LRRC63: variants seen among roughly 807,000 people sequenced by gnomAD.
LRRC63 encodes leucine-rich repeat-containing protein 63.
In LRRC63, 40 loss-of-function variants were observed where a neutral mutation model predicts 49.5. The ratio of observed to expected loss-of-function variants is 0.81; its 90% CI spans 0.63 to 1.05. The LOEUF (loss-of-function observed/expected upper bound fraction) is 1.05, where lower values mean the gene tolerates loss of function less well. Among genes scored for constraint, LRRC63 ranks in the 50% least tolerant of loss-of-function variants. The pLI, the probability that LRRC63 is intolerant of heterozygous loss-of-function variation, is 0.00. For missense variants in LRRC63, 636 were observed against 663.1 expected, an observed-to-expected ratio of 0.96 and a Z score of 0.45; for synonymous variants, 191 against 221.1, an observed-to-expected ratio of 0.86 and a Z score of 1.21.
At chr13:46,224,389 C>T (rs565978668) in intron 2 of LRRC63, among the ~76,000 whole-genome samples, 3 of 152,212 alleles carry the variant, frequency 2.0e-5, no homozygotes, top group East Asian at 3.9e-4. Flanking sequence ...ATTAATTCTT[C>T]AGCTCCAGAA....
At chr13:46,273,568 C>G (rs924248898) in intron 9 of LRRC63, among the ~76,000 whole-genome samples, 1 of 146,824 alleles carries the variant, frequency 6.8e-6, no homozygotes. Flanking sequence ...TGCCACTGCA[C>G]TCCAGCCTGG....
At chr13:46,232,924 A>C (rs893636115) in intron 4 of LRRC63, among the ~76,000 whole-genome samples, 2 of 152,196 alleles carry the variant, frequency 1.3e-5, no homozygotes, top group Admixed American at 1.3e-4. Flanking sequence ...TTTTAAAATG[A>C]GTCAAATAAA....
At chr13:46,259,038 T>C (rs1040619868) in intron 7 of LRRC63, among the ~76,000 whole-genome samples, 1 of 152,162 alleles carries the variant, frequency 6.6e-6, no homozygotes, top group Non-Finnish European at 1.5e-5. Flanking sequence ...TTTTCGTTCC[T>C]AAGGTTTTGC....
At chr13:46,246,122 C>T (rs2047205937) in intron 5 of LRRC63, among the ~76,000 whole-genome samples, 2 of 152,150 alleles carry the variant, frequency 1.3e-5, no homozygotes, top group East Asian at 3.8e-4. Context: ...TCCTGCTGCT[C>T]TGGCCATGTA....
Position 46,226,717 on chromosome 13 carries a change from C to T in LRRC63, c.86-795C>T, listed in dbSNP as rs150940519. Among the ~76,000 whole-genome samples, 179 of 152,306 alleles carry T rather than the reference C, an allele frequency of 1.2e-3. 3 individuals are homozygous for T. In the East Asian group the frequency reaches 0.032, roughly 27 times the overall value. On this transcript the variant is annotated intron_variant, in intron 2 of 9. Coordinates refer to ENST00000595396, the Ensembl canonical transcript of LRRC63. ...TCAGAAGAAATACTGTCTCCAAACT[C>T]AGATCAGTCTCTAGCAATCCCATAT...
chr13:46,240,054 G>A (rs1594053189), intron 5 of LRRC63, among the ~76,000 whole-genome samples: 2 of 151,810 alleles, frequency 1.3e-5, no homozygotes, highest in Admixed American at 1.3e-4. Flanking sequence ...CATACTGAAT[G>A]GGCAAAAATT....
intron 8 of LRRC63, among the ~76,000 whole-genome samples, chr13:46,263,745 A>G (rs1467227975): frequency 6.6e-6 from 1 of 152,136 alleles, no homozygotes; most frequent in Non-Finnish European, 1.5e-5. Context: ...TTTCCTTTGC[A>G]TCATGTCTCT....
chr13:46,215,765 C>T (rs1421703893), intron 2 of LRRC63, among the ~76,000 whole-genome samples: 1 of 152,116 alleles, frequency 6.6e-6, no homozygotes, highest in East Asian at 1.9e-4. Context: ...ACATTTAAGT[C>T]TTTAATCCAT....
At position 46,265,741 on chromosome 13, in the gene LRRC63, T is replaced by G. The variant is rs558503184; in HGVS notation, c.1311-992T>G. Among the ~76,000 whole-genome samples, 8 of 152,214 alleles carry G rather than the reference T, an allele frequency of 5.3e-5. No homozygotes were observed. The East Asian group carries it at 9.7e-4, about 18-fold the overall frequency. ...TGCTGCCGGCCCCTAGGCTTGTGATTTGCGCAGAAGAAAAAGGTGACCATG... is the reference window on the plus strand; with the variant it reads ...TGCTGCCGGCCCCTAGGCTTGTGATGTGCGCAGAAGAAAAAGGTGACCATG... On this transcript the variant is annotated intron_variant, in intron 8 of 9. Coordinates refer to ENST00000595396, the Ensembl canonical transcript of LRRC63.
At chr13:46,269,633 T>G (rs2047727556) in intron 9 of LRRC63, among the ~76,000 whole-genome samples, 1 of 151,682 alleles carries the variant, frequency 6.6e-6, no homozygotes, top group Non-Finnish European at 1.5e-5. Context: ...GGCAGACATA[T>G]CTTAACTGCA....
At chr13:46,261,774 T>C (rs989034629) in intron 7 of LRRC63, 135 bp from the exon 8 acceptor site, 2 of 345,178 alleles carry the variant, frequency 5.8e-6, no homozygotes, top group African/African-American at 4.2e-5. Flanking sequence ...CGATCTATAA[T>C]GAAAAGAAGT....
intron 4 of LRRC63, among the ~76,000 whole-genome samples, chr13:46,230,308 T>C (rs1319501769): frequency 2.0e-5 from 3 of 152,194 alleles, no homozygotes; most frequent in Non-Finnish European, 4.4e-5. Flanking sequence ...TTGTATTAGT[T>C]TGGGTTCTCT....
exon 3 of LRRC63, chr13:46,227,791 G>A: frequency 6.5e-7 from 1 of 1,549,982 alleles, no homozygotes; most frequent in Non-Finnish European, 8.7e-7. Flanking sequence ...CGAATTTTTG[G>A]GAAACAAACA....
intron 8 of LRRC63, among the ~76,000 whole-genome samples, chr13:46,265,263 A>T (rs966405748): frequency 1.3e-5 from 2 of 152,150 alleles, no homozygotes; most frequent in Admixed American, 6.5e-5. Context: ...TCAGGCAGGG[A>T]GAGCCTCACC....
chr13:46,251,228 A>G (rs1445538215), intron 7 of LRRC63, among the ~76,000 whole-genome samples: 2 of 151,892 alleles, frequency 1.3e-5, no homozygotes, highest in African/African-American at 2.4e-5. Context: ...TCATTTATAA[A>G]GATGTTCATT....
intron 2 of LRRC63, among the ~76,000 whole-genome samples, chr13:46,214,497 G>C (rs1371377380): frequency 6.6e-6 from 1 of 152,034 alleles, no homozygotes; most frequent in Non-Finnish European, 1.5e-5. Context: ...TTATCTTCTA[G>C]TACAGAATTT....
At chr13:46,250,415 C>G in exon 7 of LRRC63, 2 of 1,527,928 alleles carry the variant, frequency 1.3e-6, no homozygotes, top group Non-Finnish European at 1.8e-6. Context: ...CAAAGAAATT[C>G]CTTCTGAAAT....
chr13:46,270,944 G>C (rs1342793034), intron 9 of LRRC63, among the ~76,000 whole-genome samples: 1 of 152,154 alleles, frequency 6.6e-6, no homozygotes, highest in Admixed American at 6.5e-5. Flanking sequence ...AGAAAGTATA[G>C]AAAAGTTTTA....
chr13:46,266,759 G>A (rs759297947), exon 9 of LRRC63: 8 of 1,548,964 alleles, frequency 5.2e-6, no homozygotes, highest in South Asian at 3.6e-5. Context: ...ACTGTTGATG[G>A]GAATGAACTG....
Sources: allele counts gnomAD v4.1 joint callset (sites outside exome capture counted in the v4.1 genomes callset), GRCh38; gene constraint gnomAD v4.1.1; transcripts MANE v1.5; gene names NCBI Gene and HGNC (gene_info 2026-07-23, HGNC 2026-07-21).